CACNA2D3: variants seen among roughly 807,000 people sequenced by gnomAD.
CACNA2D3 encodes calcium voltage-gated channel auxiliary subunit alpha2delta 3.
In CACNA2D3, 60 loss-of-function variants were observed where a neutral mutation model predicts 160.6. The ratio of observed to expected loss-of-function variants is 0.37; its 90% CI spans 0.30 to 0.46. The LOEUF is 0.46. Ranked by LOEUF, CACNA2D3 falls within the 20% of genes least tolerant of loss-of-function variation. The pLI, the probability that CACNA2D3 is intolerant of heterozygous loss-of-function variation, is 1.00. For missense variants in CACNA2D3, 1,205 were observed against 1,365.0 expected (o/e 0.88, Z 1.85); for synonymous variants, 558 against 492.9 (o/e 1.13, Z -1.75).
chr3:55,017,061 T>A (rs1437258079), intron 34 of CACNA2D3, among the ~76,000 whole-genome samples: 2 of 152,242 alleles, frequency 1.3e-5, no homozygotes, highest in African/African-American at 4.8e-5. Context: ...CATGAGAGTT[T>A]GTTCACACAT....
rs574014445 is a variant in CACNA2D3, at chr3:54,385,837, G to A, written c.322-878G>A. The A allele has an allele frequency of 2.4e-4, 110 of 460,668 alleles. No individual in the cohort carries two copies. In the East Asian group the frequency reaches 5.9e-3, roughly 25 times the overall value. The allele number at this position is 460,668 out of a possible 1,614,324, so 28.5% of individuals were successfully genotyped here. ...GCATAGGATACAAGAGTGACCACAG[G>A]AGAAATAGAAGTGGTCAAATTTTTG... is the stretch of plus-strand genomic sequence containing the variant. On this transcript the variant is annotated intron_variant, in intron 3 of 37. Coordinates refer to ENST00000474759, the MANE Select transcript of CACNA2D3 (RefSeq NM_018398.3).
At chr3:55,052,454 G>A (rs1435475733) in intron 35 of CACNA2D3, among the ~76,000 whole-genome samples, 1 of 122,144 alleles carries the variant, frequency 8.2e-6, no homozygotes, top group African/African-American at 2.9e-5. Flanking sequence ...ATACCTGTGT[G>A]TGTATATATA....
At chr3:54,304,034 A>G (rs1703541260) in intron 2 of CACNA2D3, among the ~76,000 whole-genome samples, 1 of 151,916 alleles carries the variant, frequency 6.6e-6, no homozygotes, top group South Asian at 2.1e-4. Flanking sequence ...GTTTTTCTCA[A>G]CCTCTGGACT....
At chr3:54,339,945 A>G (rs1384101827) in intron 3 of CACNA2D3, among the ~76,000 whole-genome samples, 2 of 152,332 alleles carry the variant, frequency 1.3e-5, no homozygotes, top group African/African-American at 4.8e-5. Context: ...TGAATTTTAC[A>G]TACATTTATT....
intron 11 of CACNA2D3, among the ~76,000 whole-genome samples, chr3:54,741,937 GGT>G (rs1300694908): frequency 1.3e-5 from 2 of 151,706 alleles, no homozygotes; most frequent in Non-Finnish European, 2.9e-5. Context: ...GGAGTGCAGT[GGT>G]GGATCTCGGC....
At chr3:54,599,451 T>TA (rs1250112408) in intron 9 of CACNA2D3, among the ~76,000 whole-genome samples, 4 of 152,184 alleles carry the variant, frequency 2.6e-5, no homozygotes, top group African/African-American at 9.6e-5. Flanking sequence ...TCAGGCCCTT[T>TA]ATTGGACAGT....
chr3:54,675,260 A>G (rs1312057524), intron 11 of CACNA2D3, among the ~76,000 whole-genome samples: 1 of 152,202 alleles, frequency 6.6e-6, no homozygotes, highest in African/African-American at 2.4e-5. Context: ...TTGGACAGCC[A>G]GATGGAGCAT....
chr3:54,208,899 G>C (rs1327905344), intron 2 of CACNA2D3, among the ~76,000 whole-genome samples: 1 of 152,076 alleles, frequency 6.6e-6, no homozygotes, highest in African/African-American at 2.4e-5. Context: ...CATGTGGCTG[G>C]GGAGGCCTCA....
At chr3:54,928,047 CA>C (rs1172897577) in intron 27 of CACNA2D3, 14 of 786,236 alleles carry the variant, frequency 1.8e-5, no homozygotes, top group African/African-American at 1.7e-4. Context: ...TGCTTTTCTT[CA>C]ATGCAGAAAA....
At chr3:54,848,095 G>A (rs950332386) in intron 17 of CACNA2D3, among the ~76,000 whole-genome samples, 13 of 152,158 alleles carry the variant, frequency 8.5e-5, no homozygotes. Context: ...CCACACAGTC[G>A]ACTCACAATG....
At chr3:54,668,795 G>A (rs890190665) in intron 11 of CACNA2D3, among the ~76,000 whole-genome samples, 1 of 151,682 alleles carries the variant, frequency 6.6e-6, no homozygotes, top group Non-Finnish European at 1.5e-5. Flanking sequence ...CATGCAGCCT[G>A]GAAGGCCGTA....
chr3:54,356,659 C>T (rs1392618363), intron 3 of CACNA2D3, among the ~76,000 whole-genome samples: 3 of 152,120 alleles, frequency 2.0e-5, no homozygotes, highest in Admixed American at 1.3e-4. Flanking sequence ...ATACAAGGAG[C>T]GTTCAGCGTT....
intron 11 of CACNA2D3, among the ~76,000 whole-genome samples, chr3:54,691,987 C>CTTTTTTTATTTATTTATTTTTTTT (rs1553787515): frequency 2.6e-5 from 4 of 150,996 alleles, no homozygotes; most frequent in African/African-American, 7.3e-5. Flanking sequence ...TTCTTTCTTC[C>CTTTTTTTATTTATTTATTTTTTTT]TTTTTTTTTG....
At chr3:54,369,676 C>T (rs1480922832) in intron 3 of CACNA2D3, among the ~76,000 whole-genome samples, 2 of 152,194 alleles carry the variant, frequency 1.3e-5, no homozygotes, top group South Asian at 2.1e-4. Context: ...GCCTTTCCCA[C>T]CTGGGACATC....
Position 54,569,952 on chromosome 3 carries a change from A to T in CACNA2D3, c.738-2A>T. On this transcript the variant is annotated splice_acceptor_variant, in intron 7 of 37. Coordinates refer to ENST00000474759, the MANE Select transcript of CACNA2D3 (RefSeq NM_018398.3). LOFTEE classifies it high-confidence loss of function. ...TTTGACTTAATTTTTCCCTTGACCT[A>T]GGTACATCCAGGCAGCAACTTCTCC... 1 of 1,613,934 alleles carries T rather than the reference A, an allele frequency of 6.2e-7. No homozygotes were observed.
At chr3:54,557,129 A>T (rs913121498) in intron 5 of CACNA2D3, among the ~76,000 whole-genome samples, 1 of 152,238 alleles carries the variant, frequency 6.6e-6, no homozygotes, top group Non-Finnish European at 1.5e-5. Context: ...TGTGAAATCA[A>T]TACACTGTGA....
At chr3:54,612,300 T>C (rs1231491841) in intron 9 of CACNA2D3, among the ~76,000 whole-genome samples, 3 of 152,338 alleles carry the variant, frequency 2.0e-5, no homozygotes, top group South Asian at 2.1e-4. Context: ...CTTCTCCTGA[T>C]TGACTGAGGA....
intron 2 of CACNA2D3, among the ~76,000 whole-genome samples, chr3:54,126,588 A>G (rs1196832863): frequency 6.6e-6 from 1 of 152,176 alleles, no homozygotes; most frequent in African/African-American, 2.4e-5. Context: ...CCTTAGAAAT[A>G]GGATAGTTTT....
At chr3:54,733,793 C>A (rs1178579298) in intron 11 of CACNA2D3, among the ~76,000 whole-genome samples, 1 of 152,120 alleles carries the variant, frequency 6.6e-6, no homozygotes, top group Non-Finnish European at 1.5e-5. Flanking sequence ...CTACCCTAAC[C>A]TGACAGCCAG....
Sources: allele counts gnomAD v4.1 joint callset (sites outside exome capture counted in the v4.1 genomes callset), GRCh38; gene constraint gnomAD v4.1.1; transcripts MANE v1.5; gene names NCBI Gene and HGNC (gene_info 2026-07-23, HGNC 2026-07-21).